The following PCDHGC5 variants were observed in gnomAD, a reference collection of about 807,000 sequenced individuals.
PCDHGC5 encodes protocadherin gamma subfamily C, 5, also known as protocadherin gamma-C5.
In PCDHGC5, 25 loss-of-function variants were observed where a neutral mutation model predicts 59.0. That is an observed-to-expected ratio of 0.42 (90% CI 0.31 to 0.59). The LOEUF is 0.59. PCDHGC5 is among the 20% of genes least tolerant of loss of function. PCDHGC5 has a pLI of 0.13. For missense variants in PCDHGC5, 1,067 were observed against 1,206.4 expected (o/e 0.88, Z 1.71); for synonymous variants, 434 against 505.5 (o/e 0.86, Z 1.90).
chr5:141,494,899 C>T, intron 2 of PCDHGC5, 34 bp downstream of exon 2: 1 of 1,614,116 alleles, frequency 6.2e-7, no homozygotes, highest in Non-Finnish European at 8.5e-7. Context: ...ACCCTCTTCT[C>T]TGCGGCATTT....
At position 141,490,341 on chromosome 5, in the gene PCDHGC5, A is replaced by C. The variant is rs778299384; in HGVS notation, c.1101A>C (p.Thr367=). ...TCCTAGAGAGCACACCAGTGGGCACAGTAGTGGGGTTGTTTAATGTGCGAG... is the reference window on the plus strand; with the variant it reads ...TCCTAGAGAGCACACCAGTGGGCACCGTAGTGGGGTTGTTTAATGTGCGAG... The part of the protein sequence containing the change: ...NPVLESTPVG[T]VVGLFNVRDR... Residue 367 remains threonine, a synonymous_variant, in exon 1 of 4, where the codon ACA becomes ACC. Coordinates refer to ENST00000252087, the MANE Select transcript of PCDHGC5 (RefSeq NM_018929.3). This position sits in a 1 kb window ranked among gnomAD's most constrained non-coding sequence, Gnocchi z 5.4. The C allele has an allele frequency of 5.0e-6, 8 of 1,614,204 alleles. No homozygotes were observed. The South Asian group carries it at 8.8e-5, about 18-fold the overall frequency.
At chr5:141,497,077 G>A (rs191605427) in intron 2 of PCDHGC5, among the ~76,000 whole-genome samples, 4 of 151,990 alleles carry the variant, frequency 2.6e-5, no homozygotes, top group East Asian at 3.9e-4. Flanking sequence ...TAATCCCAGC[G>A]ACTTAGGAGG....
chr5:141,501,327 AC>A (rs1208116606), intron 2 of PCDHGC5, among the ~76,000 whole-genome samples: 2 of 151,364 alleles, frequency 1.3e-5, no homozygotes, highest in Non-Finnish European at 2.9e-5. Context: ...ACACACACAC[AC>A]ACACACCCCA....
At chr5:141,502,946 C>T (rs900624216) in intron 2 of PCDHGC5, among the ~76,000 whole-genome samples, 13 of 145,572 alleles carry the variant, frequency 8.9e-5, no homozygotes, top group African/African-American at 2.6e-4. Flanking sequence ...TGGGTTCAAG[C>T]GATTCTCCTG....
intron 2 of PCDHGC5, among the ~76,000 whole-genome samples, chr5:141,500,806 T>C (rs2099802700): frequency 6.6e-6 from 1 of 152,240 alleles, no homozygotes; most frequent in Non-Finnish European, 1.5e-5. Context: ...AGTCCTCATA[T>C]GAATATACAT....
Position 141,489,454 on chromosome 5 carries a change from G to C in PCDHGC5, c.214G>C (p.Gly72Arg), listed in dbSNP as rs1177748773. 1 of 1,613,940 alleles carries C rather than the reference G, an allele frequency of 6.2e-7. No homozygotes were observed. The highest frequency in any genetic ancestry group is 1.3e-5 in the African/African-American group (1 of 74,906). The change falls in exon 1 of 4, where the codon GGG becomes CGG. Residue 72 changes from glycine to arginine, a missense_variant. Transcript: ENST00000252087. This position sits in a 1 kb window ranked among gnomAD's most constrained non-coding sequence, Gnocchi z 4.5. ...GCTGCAATTGGGCTCTGAGGAGAAT[G>C]GGCGCTATTTTTCCCTGAGCTTGAT... ...RRLQLGSEEN[G>R]RYFSLSLMSG...
rs1219684339 is a variant in PCDHGC5, at chr5:141,506,444, CAA to C, written c.2608+983_2608+984del. Among the ~76,000 whole-genome samples the C allele has an allele frequency of 5.9e-3, 564 of 95,004 alleles. 2 individuals carry two copies. The highest frequency in any genetic ancestry group is 0.013 in the African/African-American group (317 of 25,186). 62.3% of individuals were successfully genotyped at this position (95,004 alleles called of 152,430 possible). Reference sequence around the variant, plus strand: ...CCTGGGCAACAGTCTCGCTCTGTCTCAAAAAAAAAAAAAAAAAAAAAGAGCAC... The same window carrying C: ...CCTGGGCAACAGTCTCGCTCTGTCTCAAAAAAAAAAAAAAAAAAAGAGCAC... On this transcript the variant is annotated intron_variant, in intron 3 of 3. Transcript: ENST00000252087.
At chr5:141,492,008 G>A (rs1201433644) in intron 1 of PCDHGC5, 21 of 616,588 alleles carry the variant, frequency 3.4e-5, no homozygotes, top group Admixed American at 2.9e-4. Flanking sequence ...CGATTTCCGC[G>A]GGTGTCGGGG....
rs1425448852 is a variant in PCDHGC5, at chr5:141,493,717, C to T, written c.2461-1090C>T. Among the ~76,000 whole-genome samples the T allele has an allele frequency of 1.3e-5, 2 of 152,208 alleles. No individual in the cohort carries two copies. The highest frequency in any genetic ancestry group is 3.8e-4 in the East Asian group (2 of 5,202). On this transcript the variant is annotated intron_variant, in intron 1 of 3. Coordinates refer to ENST00000252087, the MANE Select transcript of PCDHGC5 (RefSeq NM_018929.3). This position sits in a 1 kb window ranked among gnomAD's most constrained non-coding sequence, Gnocchi z 4.3. ...CCGATACACCTGGAATGCTAGGTTT[C>T]TGGGTTCTGCTCATATCACTGCCAC...
At chr5:141,501,036 T>C (rs893597004) in intron 2 of PCDHGC5, among the ~76,000 whole-genome samples, 4 of 151,702 alleles carry the variant, frequency 2.6e-5, no homozygotes, top group Non-Finnish European at 4.4e-5. Flanking sequence ...GCCCAGCTAA[T>C]TTTTGTATTT....
At chr5:141,502,404 C>A (rs1270930372) in intron 2 of PCDHGC5, among the ~76,000 whole-genome samples, 1 of 151,880 alleles carries the variant, frequency 6.6e-6, no homozygotes, top group Non-Finnish European at 1.5e-5. Flanking sequence ...TGTCCCCGAA[C>A]CTGGATTTGC....
rs183831513 is a variant in PCDHGC5 at position 141,497,605 on chromosome 5, T to A, written c.2519+2740T>A. ...CCCAAGCTGGAGTGCAGTGGTGCGA[T>A]CTTGGCTCACTGCAACCTCTGCCTG... On this transcript the variant is annotated intron_variant, in intron 2 of 3. Coordinates refer to ENST00000252087, the MANE Select transcript of PCDHGC5 (RefSeq NM_018929.3). Among the ~76,000 whole-genome samples, 19 of 151,488 alleles carry A rather than the reference T, an allele frequency of 1.3e-4. No individual in the cohort carries two copies. In the East Asian group the frequency reaches 3.7e-3, roughly 29 times the overall value.
chr5:141,506,577 A>G (rs2099855057), intron 3 of PCDHGC5, among the ~76,000 whole-genome samples: 1 of 152,162 alleles, frequency 6.6e-6, no homozygotes, highest in South Asian at 2.1e-4. Flanking sequence ...TTCACTTACT[A>G]TTAATGGGCA....
Position 141,511,410 on chromosome 5 carries a change from T to TA in PCDHGC5, c.*238dup. On this transcript the variant is annotated 3_prime_UTR_variant, in exon 4 of 4. Coordinates refer to ENST00000252087, the MANE Select transcript of PCDHGC5 (RefSeq NM_018929.3). ...GGAACCCCCATCCAATCAACTGCTG[T>TA]ACCCATGGGGGTAGTGGGGTTACTG... The TA allele has an allele frequency of 1.1e-6, 1 of 908,822 alleles. No homozygotes were observed. The highest frequency in any genetic ancestry group is 1.6e-6 in the Non-Finnish European group (1 of 624,204). 56.3% of individuals were successfully genotyped at this position (908,822 alleles called of 1,614,324 possible).
rs754547223 is a variant in PCDHGC5 at position 141,511,148 on chromosome 5, AGTC to A, written c.2812_2814del (p.Ser938del). The A allele has an allele frequency of 7.4e-6, 12 of 1,614,202 alleles. No individual in the cohort carries two copies. The highest frequency in any genetic ancestry group is 1.0e-5 in the Non-Finnish European group (12 of 1,180,016). ...GCAGGTGGCAATGGCAACAAGAAGA[AGTC>A]GGGCAAGAAGGAGAAGAAGTAACAT... On this transcript the variant is annotated inframe_deletion, in exon 4 of 4. Coordinates refer to ENST00000252087, the MANE Select transcript of PCDHGC5 (RefSeq NM_018929.3).
intron 1 of PCDHGC5, chr5:141,492,006 G>T (rs2099736069): frequency 7.8e-6 from 5 of 643,420 alleles, no homozygotes; most frequent in Non-Finnish European, 1.3e-5. Context: ...GGCGATTTCC[G>T]CGGGTGTCGG....
chr5:141,504,583 A>G (rs1230825472), intron 2 of PCDHGC5, among the ~76,000 whole-genome samples: 1 of 146,622 alleles, frequency 6.8e-6, no homozygotes, highest in African/African-American at 2.5e-5. Flanking sequence ...CCATCTGCCC[A>G]GGATTCACAG....
rs2099883574 is a variant in PCDHGC5, at chr5:141,511,027, C to T, written c.2689C>T (p.Leu897=). The change falls in exon 4 of 4, where the codon CTG becomes TTG. Residue 897 remains leucine (L), a synonymous_variant. Transcript: ENST00000252087. ...CGCCCGCTACGGACCCCAGTTCACCCTGCAGCACGTGCCCGACTACCGCCA... is the reference window on the plus strand; with the variant it reads ...CGCCCGCTACGGACCCCAGTTCACCTTGCAGCACGTGCCCGACTACCGCCA... The part of the protein sequence containing the change: ...LSARYGPQFT[L]QHVPDYRQNV... 2 of 1,614,230 alleles carry T rather than the reference C, an allele frequency of 1.2e-6. No individual in the cohort carries two copies. The highest frequency in any genetic ancestry group is 1.7e-6 in the Non-Finnish European group (2 of 1,180,034).
intron 2 of PCDHGC5, among the ~76,000 whole-genome samples, chr5:141,496,406 G>C (rs1485949584): frequency 6.6e-6 from 1 of 152,160 alleles, no homozygotes; most frequent in African/African-American, 2.4e-5. Flanking sequence ...CTCAATGGTT[G>C]AGTACTTGCT....
Sources: gnomAD v4.1 joint callset for allele counts (sites outside exome capture counted in the v4.1 genomes callset) on GRCh38, gnomAD v4.1.1 for gene constraint, Gnocchi (gnomAD v3.1) non-coding constraint, MANE v1.5 for transcripts, NCBI Gene and HGNC (gene_info 2026-07-23, HGNC 2026-07-21) for gene names.